SLCO3A1: variants seen among roughly 807,000 people sequenced by gnomAD.
SLCO3A1 encodes the protein PGE1 transporter.
In SLCO3A1, 27 loss-of-function variants were observed where a neutral mutation model predicts 63.1. That is an observed-to-expected ratio of 0.43 (90% CI 0.32 to 0.59). The LOEUF (loss-of-function observed/expected upper bound fraction) is 0.59. Among genes scored for constraint, SLCO3A1 ranks in the 20% least tolerant of loss-of-function variants. SLCO3A1 has a pLI of 0.09. For synonymous variants in SLCO3A1, 473 were observed against 409.9 expected (o/e 1.15, Z -1.86); for missense variants, 773 against 945.8 (o/e 0.82, Z 2.40).
chr15:92,054,008 G>T (rs1249319528), intron 2 of SLCO3A1, among the ~76,000 whole-genome samples: 4 of 152,078 alleles, frequency 2.6e-5, no homozygotes, highest in African/African-American at 9.7e-5. Flanking sequence ...CTGCATGGGA[G>T]GCTTGTCTGT....
intron 5 of SLCO3A1, among the ~76,000 whole-genome samples, chr15:92,124,933 C>G (rs116687243): frequency 0.011 from 1,604 of 152,136 alleles, 29 homozygotes; most frequent in African/African-American, 0.037. Flanking sequence ...ATGGGCAGTG[C>G]GGTGCAGGAT....
intron 2 of SLCO3A1, among the ~76,000 whole-genome samples, chr15:92,016,382 C>T (rs1369702774): frequency 1.3e-5 from 2 of 152,046 alleles, no homozygotes; most frequent in East Asian, 3.9e-4. Flanking sequence ...CTAGGTTGGT[C>T]TTGAACTCCT....
Position 92,163,836 on chromosome 15 carries a change from A to G in SLCO3A1, c.*701A>G. 23 of 985,524 alleles carry G rather than the reference A, an allele frequency of 2.3e-5. No individual in the cohort carries two copies. Among genetic ancestry groups the G allele is most frequent in the Non-Finnish European group, 2.8e-5 (23 of 830,074 alleles). The allele number at this position is 985,524 out of a possible 1,614,324, so 61.0% of individuals were successfully genotyped here. A position where few individuals can be genotyped will look rare whatever the true frequency, so the allele number is the denominator to read the frequency against. ...TCTCACCAGCTCCATTTCCATGTTCAAGACTGAGGGCCTGAGGGGGAGCCA... is the reference window on the plus strand; with the variant it reads ...TCTCACCAGCTCCATTTCCATGTTCGAGACTGAGGGCCTGAGGGGGAGCCA... On this transcript the variant is annotated 3_prime_UTR_variant, in exon 10 of 10. Coordinates refer to ENST00000318445, the MANE Select transcript of SLCO3A1 (RefSeq NM_013272.4).
intron 2 of SLCO3A1, among the ~76,000 whole-genome samples, chr15:91,993,771 A>G (rs1219580050): frequency 6.6e-6 from 1 of 152,218 alleles, no homozygotes; most frequent in Non-Finnish European, 1.5e-5. Context: ...TATGGAATTA[A>G]TGATTTGTAA....
At chr15:91,922,240 A>C (rs920560279) in intron 2 of SLCO3A1, among the ~76,000 whole-genome samples, 4 of 151,978 alleles carry the variant, frequency 2.6e-5, no homozygotes, top group African/African-American at 9.7e-5. Context: ...GATTCTCCTG[A>C]GGATGGATGT....
chr15:92,145,137 G>A (rs1364226797), intron 7 of SLCO3A1, among the ~76,000 whole-genome samples: 1 of 152,166 alleles, frequency 6.6e-6, no homozygotes, highest in Non-Finnish European at 1.5e-5. Flanking sequence ...AAAATGCATG[G>A]TGGGCCTGGG....
rs998433110 is a variant in SLCO3A1 at position 92,071,630 on chromosome 15, C to T, written c.647-23251C>T. On this transcript the variant is annotated intron_variant, in intron 2 of 9. Coordinates refer to ENST00000318445, the MANE Select transcript of SLCO3A1 (RefSeq NM_013272.4). ...TTCCTGATGGACAACACTGGCCCGGCAGTGTAGGAGGGAACGCAGGCCACT... is the reference window on the plus strand; with the variant it reads ...TTCCTGATGGACAACACTGGCCCGGTAGTGTAGGAGGGAACGCAGGCCACT... 2.6e-5 allele frequency among the ~76,000 whole-genome samples: 4 copies of T among 152,304 alleles called. No homozygotes were observed. In the East Asian group the frequency reaches 7.7e-4, roughly 29 times the overall value.
At chr15:92,070,273 A>G (rs964610433) in intron 2 of SLCO3A1, among the ~76,000 whole-genome samples, 1 of 152,262 alleles carries the variant, frequency 6.6e-6, no homozygotes, top group African/African-American at 2.4e-5. Context: ...ACAGCCTTGT[A>G]CAATTATTGC....
At chr15:91,958,501 T>G (rs1348792671) in intron 2 of SLCO3A1, among the ~76,000 whole-genome samples, 4 of 152,202 alleles carry the variant, frequency 2.6e-5, no homozygotes, top group African/African-American at 9.6e-5. Context: ...TCCTGTCTGA[T>G]CCTTCATTTC....
At chr15:92,156,775 G>C (rs2048376199) in intron 9 of SLCO3A1, among the ~76,000 whole-genome samples, 1 of 152,072 alleles carries the variant, frequency 6.6e-6, no homozygotes, top group Non-Finnish European at 1.5e-5. Flanking sequence ...TTCAAGTCTT[G>C]GCAGGTAAGC....
intron 2 of SLCO3A1, among the ~76,000 whole-genome samples, chr15:92,006,797 A>G (rs991075873): frequency 1.3e-5 from 2 of 152,220 alleles, no homozygotes; most frequent in Non-Finnish European, 2.9e-5. Context: ...AGAATTACTA[A>G]TGAAGCTTCT....
intron 8 of SLCO3A1, among the ~76,000 whole-genome samples, chr15:92,147,739 A>T (rs185618567): frequency 1.3e-5 from 2 of 152,102 alleles, no homozygotes; most frequent in African/African-American, 2.4e-5. Flanking sequence ...CCGAAATTCT[A>T]TTGTTACCTG....
At chr15:92,072,705 G>C (rs965271465) in intron 2 of SLCO3A1, among the ~76,000 whole-genome samples, 2 of 152,108 alleles carry the variant, frequency 1.3e-5, no homozygotes, top group African/African-American at 4.8e-5. Context: ...TCCTTGGTCT[G>C]TGACTGTGTA....
chr15:92,027,646 C>T (rs2046592032), intron 2 of SLCO3A1, among the ~76,000 whole-genome samples: 1 of 152,206 alleles, frequency 6.6e-6, no homozygotes, highest in Non-Finnish European at 1.5e-5. Flanking sequence ...GGAAAGACCC[C>T]TGGTGTGGAG....
intron 2 of SLCO3A1, among the ~76,000 whole-genome samples, chr15:92,007,568 A>G (rs891456775): frequency 6.6e-6 from 1 of 152,178 alleles, no homozygotes; most frequent in Non-Finnish European, 1.5e-5. Context: ...GGTTGTATGT[A>G]CTAGAATGGC....
At chr15:91,972,416 G>C (rs7171921) in intron 2 of SLCO3A1, among the ~76,000 whole-genome samples, 55,221 of 151,602 alleles carry the variant, frequency 0.36, 10,138 homozygotes, top group Non-Finnish European at 0.39. Context: ...CCCCAGAGAG[G>C]TGCCTCGCCC....
At chr15:91,929,447 C>A (rs1899145663) in intron 2 of SLCO3A1, among the ~76,000 whole-genome samples, 1 of 152,162 alleles carries the variant, frequency 6.6e-6, no homozygotes, top group Non-Finnish European at 1.5e-5. Flanking sequence ...ACCACGTGTT[C>A]CATGTTGGAG....
chr15:92,035,817 G>C (rs770606532), intron 2 of SLCO3A1, among the ~76,000 whole-genome samples: 1 of 151,836 alleles, frequency 6.6e-6, no homozygotes, highest in African/African-American at 2.4e-5. Flanking sequence ...GCCCAGTGCT[G>C]TTTGCAGAGC....
At chr15:92,024,086 G>A (rs1054434423) in intron 2 of SLCO3A1, among the ~76,000 whole-genome samples, 2 of 152,144 alleles carry the variant, frequency 1.3e-5, no homozygotes, top group Non-Finnish European at 2.9e-5. Context: ...CATTTAAATC[G>A]TCTTTTCCCT....
Sources: gnomAD v4.1 joint callset for allele counts (sites outside exome capture counted in the v4.1 genomes callset) on GRCh38, gnomAD v4.1.1 for gene constraint, MANE v1.5 for transcripts, NCBI Gene and HGNC (gene_info 2026-07-23, HGNC 2026-07-21) for gene names.